The following ANKRD44 variants were observed in gnomAD, a reference collection of about 807,000 sequenced individuals.
ANKRD44 encodes serine/threonine-protein phosphatase 6 regulatory ankyrin repeat subunit B.
A neutral mutation model predicts 116.0 loss-of-function variants in ANKRD44; 35 were observed. The ratio of observed to expected loss-of-function variants is 0.30; its 90% CI spans 0.23 to 0.40. ANKRD44 has a LOEUF of 0.40. Among genes scored for constraint, ANKRD44 ranks in the 10% least tolerant of loss-of-function variants. ANKRD44 has a pLI of 1.00. For missense variants in ANKRD44, 1,014 were observed against 1,242.6 expected (o/e 0.82, Z 2.77); for synonymous variants, 435 against 461.8 (o/e 0.94, Z 0.74).
intron 16 of ANKRD44, among the ~76,000 whole-genome samples, chr2:197,048,603 G>T (rs193166910): frequency 6.6e-6 from 1 of 152,134 alleles, no homozygotes; most frequent in African/African-American, 2.4e-5. Context: ...TGGGCATTTG[G>T]GTTGGTTCCA....
At chr2:196,977,354 T>A (rs368590971) in intron 21 of ANKRD44, among the ~76,000 whole-genome samples, 1 of 152,218 alleles carries the variant, frequency 6.6e-6, no homozygotes, top group African/African-American at 2.4e-5. Flanking sequence ...TTTCTAGATA[T>A]GACACCAAAA....
At chr2:197,276,697 G>C (rs999974032) in intron 1 of ANKRD44, among the ~76,000 whole-genome samples, 1 of 152,024 alleles carries the variant, frequency 6.6e-6, no homozygotes, top group Non-Finnish European at 1.5e-5. Context: ...AATATTGTGT[G>C]TGAGTTCTAT....
intron 4 of ANKRD44, among the ~76,000 whole-genome samples, chr2:197,126,578 T>C (rs975732495): frequency 1.3e-5 from 2 of 152,058 alleles, no homozygotes; most frequent in Admixed American, 1.3e-4. Flanking sequence ...CATTGTTGAG[T>C]TCCTTCACCT....
intron 16 of ANKRD44, among the ~76,000 whole-genome samples, chr2:197,070,702 C>CTGTGTG (rs1180776829): frequency 2.0e-5 from 3 of 147,082 alleles, no homozygotes; most frequent in Non-Finnish European, 4.6e-5. Context: ...CGCTCTCGCT[C>CTGTGTG]TCTGTGTGTG....
chr2:197,100,158 C>T lies in ANKRD44; in HGVS notation c.986-228G>A, dbSNP rs1429500404. ...AGTCTATTAGAGATGCTTTTGAGGC[C>T]GGGCGTGGTGGCTAACGCCTGTAAT... On this transcript the variant is annotated intron_variant, in intron 9 of 27. Coordinates refer to ENST00000282272, the MANE Select transcript of ANKRD44 (RefSeq NM_001195144.2). Among the ~76,000 whole-genome samples the T allele has an allele frequency of 3.9e-5, 6 of 152,282 alleles. No homozygotes were observed. In the South Asian group the frequency reaches 6.2e-4, roughly 16 times the overall value.
intron 2 of ANKRD44, among the ~76,000 whole-genome samples, chr2:197,177,518 A>G (rs1248149325): frequency 6.6e-6 from 1 of 152,164 alleles, no homozygotes; most frequent in East Asian, 1.9e-4. Flanking sequence ...TACAATGAAC[A>G]CATTTTAAAA....
At chr2:197,286,643 C>T (rs1377496670) in intron 1 of ANKRD44, among the ~76,000 whole-genome samples, 1 of 151,860 alleles carries the variant, frequency 6.6e-6, no homozygotes, top group African/African-American at 2.4e-5. Flanking sequence ...CTCCCAAATA[C>T]CTTTTTAAAT....
chr2:197,145,434 T>C (rs937587080), intron 3 of ANKRD44, among the ~76,000 whole-genome samples: 1 of 152,202 alleles, frequency 6.6e-6, no homozygotes, highest in African/African-American at 2.4e-5. Flanking sequence ...ACGGGCCAAA[T>C]TGCAATTGCC....
intron 2 of ANKRD44, among the ~76,000 whole-genome samples, chr2:197,180,686 A>G (rs1482137247): frequency 6.6e-6 from 1 of 152,238 alleles, no homozygotes; most frequent in Non-Finnish European, 1.5e-5. Context: ...GCTGGGCTAC[A>G]TAGTTTGTAT....
chr2:197,185,951 C>T (rs779918999), intron 2 of ANKRD44, among the ~76,000 whole-genome samples: 1 of 152,122 alleles, frequency 6.6e-6, no homozygotes. Flanking sequence ...TCACAACTAC[C>T]CAATTCTGCT....
intron 18 of ANKRD44, among the ~76,000 whole-genome samples, chr2:197,009,725 C>G (rs2076262949): frequency 6.6e-6 from 1 of 152,162 alleles, no homozygotes; most frequent in African/African-American, 2.4e-5. Context: ...GCCGCTGGAT[C>G]CCCCTCGGCT....
chr2:197,300,771 T>C (rs1189552525), intron 1 of ANKRD44, among the ~76,000 whole-genome samples: 1 of 149,420 alleles, frequency 6.7e-6, no homozygotes, highest in African/African-American at 2.5e-5. Context: ...TTTTTTTTTT[T>C]TTTTTTTTTG....
At chr2:197,110,976 A>T (rs1299726605) in intron 8 of ANKRD44, 132 bp from the exon 9 acceptor site, 4 of 672,028 alleles carry the variant, frequency 6.0e-6, no homozygotes, top group Middle Eastern at 2.4e-4. Context: ...TTTAAGTATG[A>T]TCAACATGAG....
At chr2:197,233,714 T>C (rs1365279401) in intron 1 of ANKRD44, among the ~76,000 whole-genome samples, 2 of 152,184 alleles carry the variant, frequency 1.3e-5, no homozygotes, top group Non-Finnish European at 2.9e-5. Flanking sequence ...CTCAGTCACC[T>C]TTTGCCAAGA....
chr2:197,213,303 A>C (rs191641390), intron 1 of ANKRD44, among the ~76,000 whole-genome samples: 58 of 152,368 alleles, frequency 3.8e-4, no homozygotes, highest in Non-Finnish European at 7.1e-4. Context: ...AAGTCTGTTT[A>C]ATGTAGACAA....
intron 1 of ANKRD44, among the ~76,000 whole-genome samples, chr2:197,282,780 G>A (rs1044187534): frequency 1.3e-5 from 2 of 152,092 alleles, no homozygotes; most frequent in African/African-American, 4.8e-5. Context: ...CCAACATGGC[G>A]AAACCCCATC....
At chr2:197,004,753 T>C (rs533919357) in intron 21 of ANKRD44, among the ~76,000 whole-genome samples, 1 of 152,266 alleles carries the variant, frequency 6.6e-6, no homozygotes, top group Admixed American at 6.5e-5. Flanking sequence ...TACTCAATAA[T>C]TTTATTTCTG....
chr2:197,209,161 A>G (rs1255639403), intron 1 of ANKRD44, among the ~76,000 whole-genome samples: 1 of 152,242 alleles, frequency 6.6e-6, no homozygotes, highest in African/African-American at 2.4e-5. Flanking sequence ...AGTTTCTTCG[A>G]ATAGACCAAA....
chr2:196,968,014 G>A (rs1453675176), intron 21 of ANKRD44, among the ~76,000 whole-genome samples: 1 of 151,788 alleles, frequency 6.6e-6, no homozygotes, highest in Admixed American at 6.6e-5. Context: ...AGCTTCCTGA[G>A]GCTTCCCTAG....
Sources: allele counts gnomAD v4.1 joint callset (sites outside exome capture counted in the v4.1 genomes callset), GRCh38; gene constraint gnomAD v4.1.1; transcripts MANE v1.5; gene names NCBI Gene and HGNC (gene_info 2026-07-23, HGNC 2026-07-21).